Variants in KIRREL3 observed in about 807,000 individuals in gnomAD.
KIRREL3 encodes kirre like nephrin family adhesion molecule 3, also known as kin of IRRE-like protein 3.
KIRREL3 carries 36 observed loss-of-function variants against 89.7 expected under a neutral mutation model. That is an observed-to-expected ratio of 0.40 (90% CI 0.31 to 0.53). The LOEUF is 0.53. Among genes scored for constraint, KIRREL3 ranks in the 20% least tolerant of loss-of-function variants. The pLI, the probability that KIRREL3 is intolerant of heterozygous loss-of-function variation, is 0.49. For missense variants in KIRREL3, 864 were observed against 1,056.6 expected (o/e 0.82, Z 2.53); for synonymous variants, 445 against 441.4 (o/e 1.01, Z -0.10).
rs956593717 is a variant in KIRREL3, at chr11:126,541,329, G to A, written c.134-14642C>T. On this transcript the variant is annotated intron_variant, in intron 2 of 16. Coordinates refer to ENST00000525144, the MANE Select transcript of KIRREL3 (RefSeq NM_032531.4). This position sits in a 1 kb window ranked among gnomAD's most constrained non-coding sequence, Gnocchi z 4.8. ...GACTCAGATGCCTTATCTGTAAAAT[G>A]CAAGGTTTAAGCGCCTTCCTCCCAA... Among the ~76,000 whole-genome samples the A allele has an allele frequency of 6.6e-5, 10 of 152,104 alleles. No homozygotes were observed. Among genetic ancestry groups the A allele is most frequent in the African/African-American group, 2.4e-4 (10 of 41,412 alleles).
chr11:126,832,696 C>T (rs1421138560), intron 1 of KIRREL3, among the ~76,000 whole-genome samples: 1 of 152,112 alleles, frequency 6.6e-6, no homozygotes, highest in African/African-American at 2.4e-5. Flanking sequence ...TGGACTTGCA[C>T]GCTGGGAATG....
chr11:126,625,799 C>A (rs1328100275), intron 1 of KIRREL3, among the ~76,000 whole-genome samples: 1 of 152,228 alleles, frequency 6.6e-6, no homozygotes, highest in Non-Finnish European at 1.5e-5. Flanking sequence ...ACTATCCCAT[C>A]CCAGGAAACC....
Position 126,594,358 on chromosome 11 carries a change from C to T in KIRREL3, c.56-31446G>A, listed in dbSNP as rs994150350. ...CTACCTGGATGAATTCCATCTCCCT[C>T]ACTGGACCAGAAGCTCCTCGAGGAA... On this transcript the variant is annotated intron_variant, in intron 1 of 16. Coordinates refer to ENST00000525144, the MANE Select transcript of KIRREL3 (RefSeq NM_032531.4). The surrounding 1 kb of genome is among the most constrained non-coding windows in gnomAD (Gnocchi z 5.0). Among the ~76,000 whole-genome samples the T allele has an allele frequency of 1.3e-5, 2 of 152,124 alleles. No homozygotes were observed. Among genetic ancestry groups the T allele is most frequent in the Non-Finnish European group, 2.9e-5 (2 of 68,020 alleles).
chr11:126,874,908 C>T (rs1361646518), intron 1 of KIRREL3, among the ~76,000 whole-genome samples: 3 of 152,142 alleles, frequency 2.0e-5, no homozygotes, highest in African/African-American at 7.2e-5. Context: ...GAGACCTGGG[C>T]AAGATCATAT....
At position 126,970,936 on chromosome 11, in the gene KIRREL3, C is replaced by T; in HGVS notation, c.55+29519G>A. ...CACATGGCGGTGCTATGGCTTCTCC[C>T]CCACCCACCAGTCTCCCTTACAGTA... On this transcript the variant is annotated intron_variant, in intron 1 of 16. Coordinates refer to ENST00000525144, the MANE Select transcript of KIRREL3 (RefSeq NM_032531.4). This position sits in a 1 kb window ranked among gnomAD's most constrained non-coding sequence, Gnocchi z 4.4. Among the ~76,000 whole-genome samples the T allele has an allele frequency of 6.6e-6, 1 of 152,166 alleles. No homozygotes were observed. Among genetic ancestry groups the T allele is most frequent in the Admixed American group, 6.5e-5 (1 of 15,278 alleles).
intron 5 of KIRREL3, among the ~76,000 whole-genome samples, chr11:126,466,867 G>GAGTT (rs932487287): frequency 1.3e-4 from 20 of 152,338 alleles, no homozygotes; most frequent in African/African-American, 4.6e-4. Flanking sequence ...AGAAGGAAGT[G>GAGTT]AGTTATTCAT....
rs897805505 is a variant in KIRREL3, at chr11:126,569,702, G to A, written c.56-6790C>T. Among the ~76,000 whole-genome samples, 3 of 152,194 alleles carry A rather than the reference G, an allele frequency of 2.0e-5. No homozygotes were observed. Among genetic ancestry groups the A allele is most frequent in the Admixed American group, 2.0e-4 (3 of 15,282 alleles). On this transcript the variant is annotated intron_variant, in intron 1 of 16. Transcript: ENST00000525144. This position sits in a 1 kb window ranked among gnomAD's most constrained non-coding sequence, Gnocchi z 6.5. Reference sequence around the variant, plus strand: ...CAATTCTTACTGCAGGAGTCCCCAGGAGGAAAAGACAGCTTCAGGCTGTGG... The same window carrying A: ...CAATTCTTACTGCAGGAGTCCCCAGAAGGAAAAGACAGCTTCAGGCTGTGG...
chr11:126,483,104 A>G (rs761626798), intron 4 of KIRREL3, among the ~76,000 whole-genome samples: 1 of 152,256 alleles, frequency 6.6e-6, no homozygotes, highest in Non-Finnish European at 1.5e-5. Flanking sequence ...TGAGATCCTC[A>G]TTCCAGAGGG....
Position 126,601,716 on chromosome 11 carries a change from T to C in KIRREL3, c.56-38804A>G, listed in dbSNP as rs905352915. On this transcript the variant is annotated intron_variant, in intron 1 of 16. Transcript: ENST00000525144. This position sits in a 1 kb window ranked among gnomAD's most constrained non-coding sequence, Gnocchi z 5.8. ...TCCATTCTTCTCATGCATCCTGCGG[T>C]GCCATTCGCCCACCCCGCCTACATT... 1.3e-5 allele frequency among the ~76,000 whole-genome samples: 2 copies of C among 152,194 alleles called. No homozygotes were observed. Among genetic ancestry groups the C allele is most frequent in the South Asian group, 4.2e-4 (2 of 4,816 alleles).
At chr11:126,589,517 T>C (rs1374585630) in intron 1 of KIRREL3, among the ~76,000 whole-genome samples, 1 of 152,192 alleles carries the variant, frequency 6.6e-6, no homozygotes, top group African/African-American at 2.4e-5. Flanking sequence ...TTAAGTTTTT[T>C]CCCCTTGGTC....
chr11:126,432,559 C>T lies in KIRREL3; in HGVS notation c.1589-1033G>A, dbSNP rs550723368. Among the ~76,000 whole-genome samples the T allele has an allele frequency of 1.3e-5, 2 of 152,238 alleles. No homozygotes were observed. Among genetic ancestry groups the T allele is most frequent in the South Asian group, 2.1e-4 (1 of 4,822 alleles). On this transcript the variant is annotated intron_variant, in intron 13 of 16. Coordinates refer to ENST00000525144, the MANE Select transcript of KIRREL3 (RefSeq NM_032531.4). The surrounding 1 kb of genome is among the most constrained non-coding windows in gnomAD (Gnocchi z 6.2). Reference sequence around the variant, plus strand: ...GCCAGGGTCAATCCAGGTCTCCTCTCACTGCTCCCACCCCTCCACTCACCC... The same window carrying T: ...GCCAGGGTCAATCCAGGTCTCCTCTTACTGCTCCCACCCCTCCACTCACCC...
At chr11:126,634,172 T>C (rs765201934) in intron 1 of KIRREL3, among the ~76,000 whole-genome samples, 2 of 152,192 alleles carry the variant, frequency 1.3e-5, no homozygotes, top group Non-Finnish European at 2.9e-5. Flanking sequence ...GTGTTGTCTG[T>C]ATTGCTCTGT....
Position 126,491,804 on chromosome 11 carries a change from C to T in KIRREL3, c.434-18338G>A, listed in dbSNP as rs560845476. Among the ~76,000 whole-genome samples, 77 of 152,190 alleles carry T rather than the reference C, an allele frequency of 5.1e-4. No homozygotes were observed. The highest frequency in any genetic ancestry group is 1.5e-3 in the African/African-American group (63 of 41,524). Reference sequence around the variant, plus strand: ...GCAACCTCCACCTCCCAGGTTCAAGCGATTCTCCTGCCTCAGCTGCCTGAG... The same window carrying T: ...GCAACCTCCACCTCCCAGGTTCAAGTGATTCTCCTGCCTCAGCTGCCTGAG... On this transcript the variant is annotated intron_variant, in intron 4 of 16. Transcript: ENST00000525144. This position sits in a 1 kb window ranked among gnomAD's most constrained non-coding sequence, Gnocchi z 5.5.
intron 1 of KIRREL3, among the ~76,000 whole-genome samples, chr11:126,869,457 G>T (rs1056431639): frequency 6.6e-6 from 1 of 152,148 alleles, no homozygotes; most frequent in African/African-American, 2.4e-5. Context: ...GAATTGCAGG[G>T]TCTATTTCTG....
intron 1 of KIRREL3, among the ~76,000 whole-genome samples, chr11:126,942,778 C>T (rs1333309067): frequency 6.6e-6 from 1 of 152,200 alleles, no homozygotes; most frequent in African/African-American, 2.4e-5. Flanking sequence ...TTGAGGCGCT[C>T]CCTTGAGCCC....
At chr11:126,726,592 T>C (rs1948390918) in intron 1 of KIRREL3, among the ~76,000 whole-genome samples, 1 of 152,096 alleles carries the variant, frequency 6.6e-6, no homozygotes, top group Admixed American at 6.6e-5. Context: ...GGTTTCAAAC[T>C]CCTGACCTCA....
Position 126,817,174 on chromosome 11 carries a change from G to A in KIRREL3, c.55+183281C>T, listed in dbSNP as rs1951601797. Among the ~76,000 whole-genome samples the A allele has an allele frequency of 6.6e-6, 1 of 152,154 alleles. No individual in the cohort carries two copies. Among genetic ancestry groups the A allele is most frequent in the African/African-American group, 2.4e-5 (1 of 41,438 alleles). On this transcript the variant is annotated intron_variant, in intron 1 of 16. Transcript: ENST00000525144. This position sits in a 1 kb window ranked among gnomAD's most constrained non-coding sequence, Gnocchi z 5.7. ...TGGATAAACAGCAAAAAAGCCAAGT[G>A]TATAAAACAGCTCATCTAAGACCAG...
In KIRREL3 at chr11:126,575,970, C is replaced by T. The variant is rs537123727; in HGVS notation, c.56-13058G>A. 1.6e-4 allele frequency among the ~76,000 whole-genome samples: 25 copies of T among 152,284 alleles called. No individual in the cohort carries two copies. In the South Asian group the frequency reaches 4.1e-3, roughly 25 times the overall value. On this transcript the variant is annotated intron_variant, in intron 1 of 16. Transcript: ENST00000525144. This position sits in a 1 kb window ranked among gnomAD's most constrained non-coding sequence, Gnocchi z 7.0. Reference sequence around the variant, plus strand: ...TGAGACTCCCTTATAGATGCGACCACGGTTTTGAATTTTTGCTCCAACCCT... The same window carrying T: ...TGAGACTCCCTTATAGATGCGACCATGGTTTTGAATTTTTGCTCCAACCCT...
chr11:126,526,482 G>A lies in KIRREL3; in HGVS notation c.283+56C>T. ...TGGGTGCTCCCTAGGAAGGTGGATG[G>A]GTGAGTAAGGAAGTGATGGCCCCAG... On this transcript the variant is annotated intron_variant, in intron 3 of 16. Transcript: ENST00000525144. This position sits in a 1 kb window ranked among gnomAD's most constrained non-coding sequence, Gnocchi z 5.7. 1.3e-6 allele frequency: 2 copies of A among 1,545,466 alleles called. No homozygotes were observed. The highest frequency in any genetic ancestry group is 8.9e-7 in the Non-Finnish European group (1 of 1,129,806).
Sources: gnomAD v4.1 joint callset for allele counts (sites outside exome capture counted in the v4.1 genomes callset) on GRCh38, gnomAD v4.1.1 for gene constraint, Gnocchi (gnomAD v3.1) non-coding constraint, MANE v1.5 for transcripts, NCBI Gene and HGNC (gene_info 2026-07-23, HGNC 2026-07-21) for gene names.